Variants in ARHGAP22 observed in about 807,000 individuals in gnomAD.
ARHGAP22 encodes the protein Rho GTPase activating protein 22, also known as rho GTPase-activating protein 22.
In ARHGAP22, 48 loss-of-function variants were observed where a neutral mutation model predicts 59.1. The ratio of observed to expected loss-of-function variants is 0.81; its 90% CI spans 0.64 to 1.03. ARHGAP22 has a LOEUF of 1.03. Among genes scored for constraint, ARHGAP22 ranks in the 50% least tolerant of loss-of-function variants. The pLI is 0.00. For missense variants in ARHGAP22, 1,015 were observed against 958.7 expected (o/e 1.06, Z -0.78); for synonymous variants, 445 against 416.4 (o/e 1.07, Z -0.84).
At chr10:48,596,905 T>C (rs2060100009) in intron 1 of ARHGAP22, among the ~76,000 whole-genome samples, 1 of 152,086 alleles carries the variant, frequency 6.6e-6, no homozygotes, top group Non-Finnish European at 1.5e-5. Flanking sequence ...CACACCTGGG[T>C]CTCTCCAAGC....
intron 3 of ARHGAP22, among the ~76,000 whole-genome samples, chr10:48,540,853 T>TA (rs1253503766): frequency 1.3e-5 from 2 of 151,936 alleles, no homozygotes; most frequent in African/African-American, 4.8e-5. Flanking sequence ...AAGCAGCGCT[T>TA]TGGAGCAAAA....
At chr10:48,505,098 G>C (rs975756719) in intron 3 of ARHGAP22, among the ~76,000 whole-genome samples, 2 of 152,160 alleles carry the variant, frequency 1.3e-5, no homozygotes, top group Non-Finnish European at 2.9e-5. Flanking sequence ...CTATTGCCCA[G>C]GCTGGCATGC....
At chr10:48,480,727 A>G (rs754214079) in intron 3 of ARHGAP22, among the ~76,000 whole-genome samples, 16 of 152,226 alleles carry the variant, frequency 1.1e-4, no homozygotes, top group Admixed American at 2.0e-4. Context: ...CTCCACAGTG[A>G]CTCCATGAGG....
upstream of ARHGAP22, among the ~76,000 whole-genome samples, chr10:48,609,684 T>G (rs546148797): frequency 1.3e-5 from 2 of 152,290 alleles, no homozygotes; most frequent in East Asian, 3.9e-4. Flanking sequence ...CCTCTGGACC[T>G]TGTTCCAGCA....
intron 2 of ARHGAP22, 66 bp from the exon 3 acceptor site, chr10:48,555,616 G>C (rs1177942797): frequency 1.2e-5 from 18 of 1,529,020 alleles, no homozygotes; most frequent in Admixed American, 5.1e-5. Flanking sequence ...CTGTCGTCAG[G>C]GTCCCTGGAG....
intron 2 of ARHGAP22, among the ~76,000 whole-genome samples, chr10:48,570,783 C>T (rs989600111): frequency 7.2e-5 from 11 of 152,224 alleles, no homozygotes; most frequent in African/African-American, 1.2e-4. Flanking sequence ...GCATCAAGGT[C>T]TGTATCCATC....
intron 3 of ARHGAP22, among the ~76,000 whole-genome samples, chr10:48,488,435 G>C (rs1250522582): frequency 1.3e-5 from 2 of 152,150 alleles, no homozygotes; most frequent in South Asian, 2.1e-4. Flanking sequence ...TTAGTTGCCA[G>C]ACACTGTGAT....
intron 2 of ARHGAP22, among the ~76,000 whole-genome samples, chr10:48,561,591 G>T (rs1380795163): frequency 1.3e-5 from 2 of 152,122 alleles, no homozygotes; most frequent in African/African-American, 2.4e-5. Flanking sequence ...TCATGTATCT[G>T]ATAAAGGACT....
At chr10:48,502,051 G>A (rs2134384176) in intron 3 of ARHGAP22, among the ~76,000 whole-genome samples, 2 of 152,276 alleles carry the variant, frequency 1.3e-5, no homozygotes, top group Middle Eastern at 6.8e-3. Flanking sequence ...AGGAACTTGT[G>A]TTTGGTGCTG....
At chr10:48,441,472 GAC>G (rs2045201053), downstream of ARHGAP22, among the ~76,000 whole-genome samples, 2 of 139,554 alleles carry the variant, frequency 1.4e-5, no homozygotes, top group South Asian at 4.6e-4. Flanking sequence ...TTTTTTTTGA[GAC>G]AGAGTCTCGC....
chr10:48,468,743 C>T (rs2047952424), intron 4 of ARHGAP22, among the ~76,000 whole-genome samples: 1 of 152,000 alleles, frequency 6.6e-6, no homozygotes, highest in African/African-American at 2.4e-5. Flanking sequence ...TTTGGTGCCC[C>T]CTTACATTTT....
At chr10:48,643,440 C>A (rs1205541344) in intron 1 of ARHGAP22, among the ~76,000 whole-genome samples, 1 of 152,264 alleles carries the variant, frequency 6.6e-6, no homozygotes, top group African/African-American at 2.4e-5. Flanking sequence ...AGGATGAGTT[C>A]ATGTCCTTTG....
chr10:48,529,420 A>C (rs149864109), intron 3 of ARHGAP22, among the ~76,000 whole-genome samples: 2 of 152,294 alleles, frequency 1.3e-5, no homozygotes, highest in Non-Finnish European at 2.9e-5. Flanking sequence ...CTCTGGACCA[A>C]TTCTGGGTCT....
At chr10:48,636,639 T>C (rs1442253575) in intron 1 of ARHGAP22, among the ~76,000 whole-genome samples, 1 of 152,182 alleles carries the variant, frequency 6.6e-6, no homozygotes, top group African/African-American at 2.4e-5. Context: ...ACGTGTTATG[T>C]GTGTCCAAGC....
intron 3 of ARHGAP22, among the ~76,000 whole-genome samples, chr10:48,551,179 G>A (rs776158775): frequency 1.3e-5 from 2 of 152,168 alleles, no homozygotes; most frequent in Admixed American, 6.5e-5. Context: ...CTGGGGCAGG[G>A]GCACCCTCCC....
chr10:48,577,815 T>G (rs1343789774), intron 2 of ARHGAP22, among the ~76,000 whole-genome samples: 2 of 126,068 alleles, frequency 1.6e-5, no homozygotes, highest in African/African-American at 5.9e-5. Flanking sequence ...TTTTTTTTTT[T>G]TTTTTTTTTT....
At chr10:48,603,865 C>T (rs2060527690) in intron 1 of ARHGAP22, among the ~76,000 whole-genome samples, 1 of 152,188 alleles carries the variant, frequency 6.6e-6, no homozygotes, top group African/African-American at 2.4e-5. Flanking sequence ...CTGGAGGCCC[C>T]CCGCTGCAAA....
At chr10:48,447,001 G>A (rs776468231) in intron 9 of ARHGAP22, among the ~76,000 whole-genome samples, 2 of 152,142 alleles carry the variant, frequency 1.3e-5, no homozygotes, top group South Asian at 4.1e-4. Flanking sequence ...CTCCTGTGCT[G>A]TGGCCTCCCC....
At chr10:48,630,014 T>G (rs2061575262) in intron 1 of ARHGAP22, among the ~76,000 whole-genome samples, 1 of 152,206 alleles carries the variant, frequency 6.6e-6, no homozygotes, top group African/African-American at 2.4e-5. Flanking sequence ...TCATTGCTGG[T>G]GTATGGAAAA....
Sources: allele counts gnomAD v4.1 joint callset (sites outside exome capture counted in the v4.1 genomes callset), GRCh38; gene constraint gnomAD v4.1.1; transcripts MANE v1.5; gene names NCBI Gene and HGNC (gene_info 2026-07-23, HGNC 2026-07-21).